MEGF6: variants seen among roughly 807,000 people sequenced by gnomAD.
MEGF6 encodes the protein multiple EGF like domains 6.
A neutral mutation model predicts 207.1 loss-of-function variants in MEGF6; 184 were observed. The observed-to-expected ratio is 0.89, with a 90% CI of 0.79 to 1.00. The LOEUF (loss-of-function observed/expected upper bound fraction) is 1.00, where lower values mean the gene tolerates loss of function less well. Among genes scored for constraint, MEGF6 ranks in the 50% least tolerant of loss-of-function variants. The pLI, the probability that MEGF6 is intolerant of heterozygous loss-of-function variation, is 0.00. For missense variants in MEGF6, 2,282 were observed against 2,202.9 expected (o/e 1.04, Z -0.72); for synonymous variants, 1,038 against 910.0 (o/e 1.14, Z -2.53).
chr1:3,489,960 C>T lies in MEGF6; in HGVS notation c.*568G>A, dbSNP rs74636253. On this transcript the variant is annotated 3_prime_UTR_variant, in exon 37 of 37. Transcript: ENST00000356575. ...TTTACCTTCCTAGGTTTACATGGTA[C>T]CGGAGCCAGCAGCCTGGTGAGCCCG... 4,656 of 154,206 alleles carry T rather than the reference C, an allele frequency of 0.03. 254 individuals carry two copies. The highest frequency in any genetic ancestry group is 0.1 in the African/African-American group (4,359 of 41,580). The allele number at this position is 154,206 out of a possible 1,614,324, so 9.6% of individuals were successfully genotyped here.
intron 34 of MEGF6, chr1:3,493,113 C>T (rs1640440736): frequency 3.0e-6 from 1 of 328,332 alleles, no homozygotes; most frequent in Non-Finnish European, 5.7e-6. Context: ...CTGAGAGCCA[C>T]AAGGCCAGGT....
chr1:3,525,722 TC>T (rs1420008304), intron 4 of MEGF6, among the ~76,000 whole-genome samples: 2 of 152,100 alleles, frequency 1.3e-5, no homozygotes, highest in Admixed American at 1.3e-4. Context: ...CAGGCATCCT[TC>T]CCCTGAGACC....
chr1:3,532,085 TG>T (rs1356193644), intron 4 of MEGF6, among the ~76,000 whole-genome samples: 2 of 152,194 alleles, frequency 1.3e-5, no homozygotes, highest in Non-Finnish European at 2.9e-5. Context: ...AGGGAGAACT[TG>T]CCTGCAGGGT....
chr1:3,591,069 A>G (rs1643968749), intron 3 of MEGF6, among the ~76,000 whole-genome samples: 3 of 152,216 alleles, frequency 2.0e-5, no homozygotes, highest in Admixed American at 2.0e-4. Flanking sequence ...AGAGCCTCCC[A>G]GGGGCTGAGG....
At chr1:3,555,272 G>A (rs12127703) in intron 4 of MEGF6, among the ~76,000 whole-genome samples, 185 of 151,758 alleles carry the variant, frequency 1.2e-3, no homozygotes, top group Non-Finnish European at 2.1e-3. Context: ...TGAGCTGCAG[G>A]AGGCCTCTCC....
chr1:3,551,966 G>A (rs901954247), intron 4 of MEGF6, among the ~76,000 whole-genome samples: 5 of 152,170 alleles, frequency 3.3e-5, no homozygotes, highest in African/African-American at 9.7e-5. Flanking sequence ...CAGGTGGGCC[G>A]TTCAGACATC....
intron 4 of MEGF6, among the ~76,000 whole-genome samples, chr1:3,540,275 C>T (rs1001265607): frequency 1.6e-4 from 25 of 152,246 alleles, no homozygotes; most frequent in African/African-American, 4.6e-4. Context: ...GCGCCTCGGA[C>T]GGAGCAGGCC....
At chr1:3,589,686 C>T (rs1249702654) in intron 3 of MEGF6, among the ~76,000 whole-genome samples, 1 of 152,250 alleles carries the variant, frequency 6.6e-6, no homozygotes, top group African/African-American at 2.4e-5. Context: ...CTGCTCACTG[C>T]TACCCTCTGG....
the MEGF6 span, among the ~76,000 whole-genome samples, chr1:3,617,022 G>T: frequency 2.6e-5 from 4 of 152,104 alleles, no homozygotes; most frequent in Non-Finnish European, 5.9e-5. Flanking sequence ...AGACACACAG[G>T]CCTGGGCTGC....
intron 1 of MEGF6, among the ~76,000 whole-genome samples, chr1:3,610,344 C>T (rs1437892822): frequency 1.3e-5 from 2 of 152,200 alleles, no homozygotes; most frequent in African/African-American, 2.4e-5. Flanking sequence ...ACGGGAACAG[C>T]CTGAGGGCCC....
intron 2 of MEGF6, among the ~76,000 whole-genome samples, chr1:3,601,203 C>T (rs1250646568): frequency 6.6e-6 from 1 of 152,252 alleles, no homozygotes; most frequent in Non-Finnish European, 1.5e-5. Flanking sequence ...GCCCGGCCAC[C>T]AGCACTCTCT....
At chr1:3,621,139 C>A in the MEGF6 span, among the ~76,000 whole-genome samples, 1 of 152,334 alleles carries the variant, frequency 6.6e-6, no homozygotes, top group African/African-American at 2.4e-5. Context: ...TGTGGGCAAG[C>A]CTGACTAATG....
At chr1:3,555,368 C>A (rs1379007436) in intron 4 of MEGF6, among the ~76,000 whole-genome samples, 3 of 152,220 alleles carry the variant, frequency 2.0e-5, no homozygotes, top group Non-Finnish European at 2.9e-5. Context: ...GCTGGCATGG[C>A]CTCAGGCCGC....
chr1:3,490,804 G>A (rs1367389795), intron 36 of MEGF6, 108 bp downstream of exon 36: 3 of 1,396,774 alleles, frequency 2.1e-6, no homozygotes, highest in East Asian at 2.5e-5. Flanking sequence ...CAAGGCCCCG[G>A]GTGCAGCTGC....
chr1:3,515,766 C>A (rs1018139044), intron 5 of MEGF6, among the ~76,000 whole-genome samples: 3 of 152,250 alleles, frequency 2.0e-5, no homozygotes, highest in Admixed American at 1.3e-4. Flanking sequence ...GTGGGGGATT[C>A]ACTGGATCCT....
At chr1:3,620,608 G>A in the MEGF6 span, among the ~76,000 whole-genome samples, 1 of 152,242 alleles carries the variant, frequency 6.6e-6, no homozygotes, top group African/African-American at 2.4e-5. Flanking sequence ...GGGAAATGTG[G>A]GGTGGGAGCC....
rs1200138894 is a variant in MEGF6 at position 3,500,590 on chromosome 1, C to T, written c.2707+43G>A. The T allele has an allele frequency of 1.3e-5, 20 of 1,526,696 alleles. No individual in the cohort carries two copies. The East Asian group carries it at 3.0e-4, about 23-fold the overall frequency. 94.6% of individuals were successfully genotyped at this position (1,526,696 alleles called of 1,614,324 possible). On this transcript the variant is annotated intron_variant, in intron 21 of 36. Coordinates refer to ENST00000356575, the MANE Select transcript of MEGF6 (RefSeq NM_001409.4). ...GCACGTGTGCATATGTGTGCGTGTG[C>T]GCACTCAGGAGGGTGGCAGCCAAAG...
At position 3,541,940 on chromosome 1, in the gene MEGF6, C is replaced by A. The variant is rs1035678612; in HGVS notation, c.482-17694G>T. ...ACAGAGCCCACCCGCGTCCCACAGA[C>A]ACTCCGATGAAAACCCAGCTCCACC... On this transcript the variant is annotated intron_variant, in intron 4 of 36. Transcript: ENST00000356575. 4.6e-5 allele frequency among the ~76,000 whole-genome samples: 7 copies of A among 152,358 alleles called. No homozygotes were observed. In the East Asian group the frequency reaches 5.8e-4, roughly 13 times the overall value.
rs747835471 is a variant in MEGF6, at chr1:3,514,541, G to A, written c.853+9C>T. ...CTGGGCGGGGCGGAGCAGGGGAGGG[G>A]CGTCCTACCTTCACAGGCCTTGCCG... On this transcript the variant is annotated intron_variant, in intron 7 of 36. Coordinates refer to ENST00000356575, the MANE Select transcript of MEGF6 (RefSeq NM_001409.4). 6.3e-7 allele frequency: 1 copy of A among 1,587,960 alleles called. No homozygotes were observed. The highest frequency in any genetic ancestry group is 2.3e-5 in the East Asian group (1 of 44,144).
Sources: gnomAD v4.1 joint callset for allele counts (sites outside exome capture counted in the v4.1 genomes callset) on GRCh38, gnomAD v4.1.1 for gene constraint, MANE v1.5 for transcripts, NCBI Gene and HGNC (gene_info 2026-07-23, HGNC 2026-07-21) for gene names.